Variants in POPDC1 observed in about 807,000 individuals in gnomAD.
POPDC1 encodes the protein popeye domain cAMP effector 1.
At chr6:105,116,963 A>T in the POPDC1 span, 1 of 1,129,612 alleles carries the variant, frequency 8.9e-7, no homozygotes, top group Non-Finnish European at 1.2e-6. Context: ...TTTAGTGGAC[A>T]TTATCATAGC....
chr6:105,100,264 C>G, the POPDC1 span: 1 of 151,882 alleles, frequency 6.6e-6, no homozygotes, highest in South Asian at 2.1e-4. Context: ...AATCCCAGCA[C>G]TCTGGGAGGC....
the POPDC1 span, among the ~76,000 whole-genome samples, chr6:105,116,272 C>T: frequency 6.6e-6 from 1 of 152,136 alleles, no homozygotes; most frequent in East Asian, 1.9e-4. Flanking sequence ...TGCAGCTCTA[C>T]ACCTCTCCTT....
the POPDC1 span, among the ~76,000 whole-genome samples, chr6:105,116,418 C>G: frequency 6.6e-6 from 1 of 152,092 alleles, no homozygotes; most frequent in African/African-American, 2.4e-5. Context: ...CTAACTTACT[C>G]CATCCTCCAC....
the POPDC1 span, chr6:105,133,373 G>T: frequency 6.2e-7 from 1 of 1,613,170 alleles, no homozygotes; most frequent in Non-Finnish European, 8.5e-7. Flanking sequence ...ATTCCCCTAA[G>T]AAATATCATA....
chr6:105,129,567 A>G, the POPDC1 span: 16 of 1,509,172 alleles, frequency 1.1e-5, no homozygotes, highest in Non-Finnish European at 1.4e-5. Context: ...AGCTTAATAA[A>G]TTTGATATCC....
At chr6:105,109,349 G>T in the POPDC1 span, among the ~76,000 whole-genome samples, 2 of 152,082 alleles carry the variant, frequency 1.3e-5, no homozygotes, top group East Asian at 3.9e-4. Flanking sequence ...AACAATAAAA[G>T]AACAAAAACT....
chr6:105,129,714 C>A, the POPDC1 span, among the ~76,000 whole-genome samples: 1 of 152,094 alleles, frequency 6.6e-6, no homozygotes, highest in African/African-American at 2.4e-5. Context: ...AGCTAATAAG[C>A]AATCACTGGG....
the POPDC1 span, among the ~76,000 whole-genome samples, chr6:105,114,099 C>A: frequency 6.6e-6 from 1 of 152,166 alleles, no homozygotes; most frequent in African/African-American, 2.4e-5. Context: ...GAATTCTGTA[C>A]AAGCCTTTAT....
the POPDC1 span, among the ~76,000 whole-genome samples, chr6:105,114,531 T>C: frequency 6.6e-6 from 1 of 152,272 alleles, no homozygotes; most frequent in Admixed American, 6.5e-5. Flanking sequence ...TGTTTGCATT[T>C]TTTAAAAGTT....
At chr6:105,100,750 A>G in the POPDC1 span, 1 of 160,700 alleles carries the variant, frequency 6.2e-6, no homozygotes, top group Non-Finnish European at 1.4e-5. Context: ...AAAAAGAATC[A>G]TAACTTGGAA....
chr6:105,129,589 A>G, the POPDC1 span: 1 of 1,313,938 alleles, frequency 7.6e-7, no homozygotes, highest in Non-Finnish European at 1.0e-6. Context: ...CTATATATAC[A>G]GTAGTCCTCC....
chr6:105,128,711 A>C, the POPDC1 span, among the ~76,000 whole-genome samples: 2 of 152,168 alleles, frequency 1.3e-5, no homozygotes, highest in Admixed American at 1.3e-4. Flanking sequence ...TTCTACATGC[A>C]AATCTGGCCC....
the POPDC1 span, among the ~76,000 whole-genome samples, chr6:105,102,809 G>A: frequency 1.3e-5 from 2 of 152,146 alleles, no homozygotes; most frequent in Non-Finnish European, 2.9e-5. Context: ...GCTACCACCA[G>A]TCACATCCTC....
At chr6:105,118,257 A>G in the POPDC1 span, among the ~76,000 whole-genome samples, 1 of 152,176 alleles carries the variant, frequency 6.6e-6, no homozygotes, top group South Asian at 2.1e-4. Context: ...ACAGAAAATG[A>G]AAAACCCAGC....
chr6:105,112,719 T>G, the POPDC1 span, among the ~76,000 whole-genome samples: 1 of 152,108 alleles, frequency 6.6e-6, no homozygotes, highest in Non-Finnish European at 1.5e-5. Context: ...AAAAAGTGGC[T>G]TGGGGCAAGT....
chr6:105,119,265 A>G, the POPDC1 span, among the ~76,000 whole-genome samples: 1 of 152,106 alleles, frequency 6.6e-6, no homozygotes, highest in South Asian at 2.1e-4. Context: ...CCAGGTCAAA[A>G]TCTACCCAAT....
chr6:105,110,994 A>G, the POPDC1 span, among the ~76,000 whole-genome samples: 1 of 152,200 alleles, frequency 6.6e-6, no homozygotes, highest in Non-Finnish European at 1.5e-5. Context: ...CCAGTGTAGT[A>G]CTGTCTTGAC....
the POPDC1 span, among the ~76,000 whole-genome samples, chr6:105,126,749 T>C: frequency 6.6e-6 from 1 of 152,244 alleles, no homozygotes; most frequent in Non-Finnish European, 1.5e-5. Flanking sequence ...TTTATCTCCA[T>C]GTAATTACTT....
chr6:105,116,852 T>A, the POPDC1 span: 1 of 1,612,184 alleles, frequency 6.2e-7, no homozygotes, highest in South Asian at 1.1e-5. Flanking sequence ...GCAGTTATCA[T>A]CTGCAATAAT....
Sources: gnomAD v4.1 joint callset for allele counts (sites outside exome capture counted in the v4.1 genomes callset) on GRCh38, gnomAD v4.1.1 for gene constraint, MANE v1.5 for transcripts, NCBI Gene and HGNC (gene_info 2026-07-23, HGNC 2026-07-21) for gene names.